Variants in PTPRG observed in about 807,000 individuals in gnomAD.
PTPRG encodes receptor-type tyrosine-protein phosphatase gamma.
PTPRG carries 102 observed loss-of-function variants against 165.3 expected under a neutral mutation model. The ratio of observed to expected loss-of-function variants is 0.62; its 90% CI spans 0.53 to 0.73. PTPRG has a LOEUF of 0.73. Ranked by LOEUF, PTPRG falls within the 30% of genes least tolerant of loss-of-function variation. The pLI, the probability that PTPRG is intolerant of heterozygous loss-of-function variation, is 0.00. For missense variants in PTPRG, 1,866 were observed against 1,861.4 expected (o/e 1.00, Z -0.05); for synonymous variants, 675 against 669.5 (o/e 1.01, Z -0.13).
rs188135347 is a variant in PTPRG, at chr3:62,053,904, C to T, written c.520-24259C>T. Among the ~76,000 whole-genome samples, 101 of 152,298 alleles carry T rather than the reference C, an allele frequency of 6.6e-4. 1 individual carries two copies. Among genetic ancestry groups the T allele is most frequent in the Admixed American group, 1.0e-3 (16 of 15,296 alleles). The stretch of plus-strand genomic sequence containing the variant: ...TGCAGTGCAAAATTTTTTAAACTTT[C>T]TATTGAGGTATAGCCTACATACGGT... On this transcript the variant is annotated intron_variant, in intron 4 of 29. Transcript: ENST00000474889.
intron 2 of PTPRG, among the ~76,000 whole-genome samples, chr3:61,923,781 C>T (rs1370597342): frequency 6.7e-6 from 1 of 149,818 alleles, no homozygotes; most frequent in Non-Finnish European, 1.5e-5. Flanking sequence ...TTTGGGAGGC[C>T]CACCTCAGCC....
At chr3:61,724,751 G>A (rs935818937) in intron 1 of PTPRG, among the ~76,000 whole-genome samples, 2 of 151,986 alleles carry the variant, frequency 1.3e-5, no homozygotes, top group Non-Finnish European at 2.9e-5. Flanking sequence ...TAATGATACC[G>A]AATATCCTTT....
chr3:61,935,829 G>GCA (rs1160510434), intron 2 of PTPRG, among the ~76,000 whole-genome samples: 1 of 151,586 alleles, frequency 6.6e-6, no homozygotes, highest in Admixed American at 6.6e-5. Context: ...TCTGTCCTGG[G>GCA]CATTGTTCTG....
At chr3:62,037,849 G>T (rs1699998852) in intron 4 of PTPRG, among the ~76,000 whole-genome samples, 1 of 152,204 alleles carries the variant, frequency 6.6e-6, no homozygotes, top group African/African-American at 2.4e-5. Context: ...TTCTTATAAA[G>T]GTGCTAATCC....
intron 5 of PTPRG, among the ~76,000 whole-genome samples, chr3:62,080,648 T>C (rs979519565): frequency 2.0e-5 from 3 of 152,188 alleles, no homozygotes; most frequent in African/African-American, 7.2e-5. Flanking sequence ...AAAAAAACTT[T>C]TTAATGTTTT....
chr3:61,708,476 CAG>C (rs1203733975), intron 1 of PTPRG, among the ~76,000 whole-genome samples: 32 of 98,064 alleles, frequency 3.3e-4, no homozygotes, highest in South Asian at 3.6e-4. Context: ...TTTTTTGAGA[CAG>C]AGTCTCGCTC....
At chr3:61,818,857 G>T (rs111314073) in intron 2 of PTPRG, among the ~76,000 whole-genome samples, 3 of 91,810 alleles carry the variant, frequency 3.3e-5, no homozygotes, top group African/African-American at 5.6e-5. Flanking sequence ...TAGTGAAATA[G>T]TGAATAGTGA....
At chr3:61,576,151 T>G (rs564444518) in intron 1 of PTPRG, among the ~76,000 whole-genome samples, 33 of 152,334 alleles carry the variant, frequency 2.2e-4, no homozygotes, top group Admixed American at 8.5e-4. Context: ...AGGAGTGTGA[T>G]GAATTAAGGC....
intron 2 of PTPRG, among the ~76,000 whole-genome samples, chr3:61,834,739 G>A (rs1445028437): frequency 2.0e-5 from 3 of 152,174 alleles, no homozygotes; most frequent in South Asian, 4.1e-4. Context: ...CTTTAACCCA[G>A]GAGGTGGAGT....
chr3:62,066,472 C>G (rs1463064584), intron 4 of PTPRG, among the ~76,000 whole-genome samples: 2 of 151,922 alleles, frequency 1.3e-5, no homozygotes, highest in Admixed American at 6.6e-5. Flanking sequence ...CTGTTACTCC[C>G]AAGTACAAAG....
chr3:61,840,656 G>C (rs1461109820), intron 2 of PTPRG, among the ~76,000 whole-genome samples: 1 of 152,050 alleles, frequency 6.6e-6, no homozygotes, highest in Non-Finnish European at 1.5e-5. Flanking sequence ...ACATGGGACA[G>C]AGAATATATT....
intron 3 of PTPRG, among the ~76,000 whole-genome samples, chr3:61,996,112 A>G (rs1174693236): frequency 2.0e-5 from 3 of 152,122 alleles, no homozygotes; most frequent in African/African-American, 7.2e-5. Flanking sequence ...CTGAAGTTTA[A>G]AAAATGTTTT....
At chr3:61,603,794 A>G (rs1293807413) in intron 1 of PTPRG, among the ~76,000 whole-genome samples, 1 of 152,140 alleles carries the variant, frequency 6.6e-6, no homozygotes, top group Non-Finnish European at 1.5e-5. Context: ...CTCTGCCTCC[A>G]TCTTCACATG....
intron 2 of PTPRG, among the ~76,000 whole-genome samples, chr3:61,985,510 T>C (rs1397828788): frequency 6.6e-6 from 1 of 152,236 alleles, no homozygotes; most frequent in Non-Finnish European, 1.5e-5. Flanking sequence ...TTATCTAATA[T>C]AATCCTTACA....
At chr3:61,734,119 ACT>A (rs1224152151) in intron 1 of PTPRG, among the ~76,000 whole-genome samples, 2 of 152,184 alleles carry the variant, frequency 1.3e-5, no homozygotes, top group East Asian at 1.9e-4. Flanking sequence ...TTTAATAAGA[ACT>A]CTCTGGTTAG....
At chr3:61,743,756 T>C (rs184768344) in intron 1 of PTPRG, among the ~76,000 whole-genome samples, 3 of 152,374 alleles carry the variant, frequency 2.0e-5, no homozygotes, top group Admixed American at 6.5e-5. Flanking sequence ...CATAACACCA[T>C]GTCCTCCCTC....
At chr3:61,809,114 C>T (rs1272588540) in intron 2 of PTPRG, among the ~76,000 whole-genome samples, 1 of 148,852 alleles carries the variant, frequency 6.7e-6, no homozygotes, top group Non-Finnish European at 1.5e-5. Flanking sequence ...TAGTTCACTG[C>T]CTTCCACATA....
chr3:61,942,657 A>G (rs759678669), intron 2 of PTPRG, among the ~76,000 whole-genome samples: 38 of 152,340 alleles, frequency 2.5e-4, no homozygotes, highest in East Asian at 1.9e-3. Flanking sequence ...TTGTGAACAC[A>G]GCTATTACAC....
At chr3:61,963,069 C>G (rs571433226) in intron 2 of PTPRG, among the ~76,000 whole-genome samples, 84 of 152,154 alleles carry the variant, frequency 5.5e-4, no homozygotes, top group African/African-American at 2.0e-3. Flanking sequence ...TTCGTTTATC[C>G]TTCCAGGGTT....
Sources: gnomAD v4.1 joint callset for allele counts (sites outside exome capture counted in the v4.1 genomes callset) on GRCh38, gnomAD v4.1.1 for gene constraint, MANE v1.5 for transcripts, NCBI Gene and HGNC (gene_info 2026-07-23, HGNC 2026-07-21) for gene names.